The following CDH4 variants were observed in gnomAD, a reference collection of about 807,000 sequenced individuals.
CDH4 encodes the protein cadherin 4, also known as cadherin-4.
CDH4 carries 33 observed loss-of-function variants against 86.0 expected under a neutral mutation model. The observed-to-expected ratio is 0.38, with a 90% confidence interval of 0.29 to 0.51. The LOEUF (loss-of-function observed/expected upper bound fraction) is 0.51. Among genes scored for constraint, CDH4 ranks in the 20% least tolerant of loss-of-function variants. CDH4 has a pLI of 0.86. For missense variants in CDH4, 1,114 were observed against 1,307.4 expected (o/e 0.85, Z 2.28); for synonymous variants, 555 against 549.4 (o/e 1.01, Z -0.14).
chr20:61,855,662 A>G (rs1399581094), intron 6 of CDH4, among the ~76,000 whole-genome samples: 1 of 152,230 alleles, frequency 6.6e-6, no homozygotes, highest in Non-Finnish European at 1.5e-5. Context: ...CAAAAGCGCA[A>G]TTGGCTTTGC....
At chr20:61,929,922 G>T in intron 13 of CDH4, 80 bp downstream of exon 13, 1 of 1,189,268 alleles carries the variant, frequency 8.4e-7, no homozygotes, top group Admixed American at 1.8e-5. Flanking sequence ...GGCAGAGGGG[G>T]GCCTGGATTT....
intron 15 of CDH4, among the ~76,000 whole-genome samples, chr20:61,934,880 C>T (rs2055161472): frequency 6.6e-6 from 1 of 152,270 alleles, no homozygotes; most frequent in East Asian, 1.9e-4. Flanking sequence ...ACACCCCAGC[C>T]TTCCATCTTC....
chr20:61,571,098 C>G (rs1034100645), intron 2 of CDH4, among the ~76,000 whole-genome samples: 9 of 152,156 alleles, frequency 5.9e-5, no homozygotes, highest in Admixed American at 5.9e-4. Flanking sequence ...GGGTTTCTCC[C>G]CCACATCCTC....
chr20:61,805,017 A>C (rs1381673904), intron 4 of CDH4, among the ~76,000 whole-genome samples: 1 of 152,204 alleles, frequency 6.6e-6, no homozygotes. Context: ...TCTCCACAGA[A>C]GCCCCAGCGC....
chr20:61,913,845 C>T (rs759295465), intron 9 of CDH4, among the ~76,000 whole-genome samples: 1 of 152,196 alleles, frequency 6.6e-6, no homozygotes, highest in African/African-American at 2.4e-5. Flanking sequence ...CACAGCCGGG[C>T]ACATTCACTG....
intron 3 of CDH4, among the ~76,000 whole-genome samples, chr20:61,772,177 T>G (rs982837848): frequency 1.3e-5 from 2 of 152,068 alleles, no homozygotes; most frequent in African/African-American, 2.4e-5. Flanking sequence ...AACCCAGGAT[T>G]GTGAGAGATG....
intron 2 of CDH4, among the ~76,000 whole-genome samples, chr20:61,522,186 C>T (rs1233316455): frequency 2.0e-5 from 3 of 152,294 alleles, no homozygotes; most frequent in Non-Finnish European, 4.4e-5. Context: ...CTCTGAGGTC[C>T]TCAGGGGCCT....
chr20:61,599,020 G>A (rs2086577748), intron 2 of CDH4, among the ~76,000 whole-genome samples: 1 of 152,196 alleles, frequency 6.6e-6, no homozygotes, highest in Non-Finnish European at 1.5e-5. Context: ...TGTCAGTGTT[G>A]CCTCTCCCTT....
intron 7 of CDH4, among the ~76,000 whole-genome samples, chr20:61,885,495 G>A (rs367972087): frequency 2.6e-5 from 4 of 152,246 alleles, no homozygotes; most frequent in East Asian, 1.9e-4. Context: ...ATAATATTCC[G>A]CTGCATGGGG....
At chr20:61,852,166 C>T (rs1037968318) in intron 5 of CDH4, among the ~76,000 whole-genome samples, 2 of 152,140 alleles carry the variant, frequency 1.3e-5, no homozygotes, top group African/African-American at 4.8e-5. Context: ...CCTGCTGTGC[C>T]CAAGAGCTGA....
intron 2 of CDH4, among the ~76,000 whole-genome samples, chr20:61,525,617 A>G (rs1195023895): frequency 6.6e-6 from 1 of 152,196 alleles, no homozygotes; most frequent in African/African-American, 2.4e-5. Flanking sequence ...TTGATCAGGT[A>G]GCTGCCGTGT....
chr20:61,742,534 G>A (rs546671847), intron 2 of CDH4, among the ~76,000 whole-genome samples: 1 of 151,174 alleles, frequency 6.6e-6, no homozygotes, highest in East Asian at 2.0e-4. Flanking sequence ...AATCATGTAA[G>A]CTGTGACAGC....
intron 4 of CDH4, among the ~76,000 whole-genome samples, chr20:61,803,948 A>G (rs1024591025): frequency 6.6e-6 from 1 of 152,202 alleles, no homozygotes; most frequent in South Asian, 2.1e-4. Context: ...GAGACGGCGG[A>G]GGTAATGGAA....
intron 1 of CDH4, among the ~76,000 whole-genome samples, chr20:61,254,009 C>T (rs1418863377): frequency 1.3e-5 from 2 of 152,220 alleles, no homozygotes; most frequent in Non-Finnish European, 2.9e-5. Flanking sequence ...TGTCACGCCC[C>T]CTCCCAGAAG....
At chr20:61,881,920 C>A (rs1226478265) in intron 7 of CDH4, among the ~76,000 whole-genome samples, 1 of 152,208 alleles carries the variant, frequency 6.6e-6, no homozygotes, top group Non-Finnish European at 1.5e-5. Context: ...GACCCTAAAT[C>A]CTTACAGAGG....
At chr20:61,918,282 T>C (rs942495363) in intron 9 of CDH4, among the ~76,000 whole-genome samples, 1 of 152,218 alleles carries the variant, frequency 6.6e-6, no homozygotes, top group Non-Finnish European at 1.5e-5. Flanking sequence ...CCCTTCAGGC[T>C]TGCAGTCAGC....
intron 2 of CDH4, among the ~76,000 whole-genome samples, chr20:61,739,480 A>T (rs2088307065): frequency 6.6e-6 from 1 of 152,198 alleles, no homozygotes; most frequent in South Asian, 2.1e-4. Flanking sequence ...AATGAAACAA[A>T]AACAGGTGAT....
At chr20:61,652,102 G>T (rs1210805744) in intron 2 of CDH4, among the ~76,000 whole-genome samples, 1 of 152,206 alleles carries the variant, frequency 6.6e-6, no homozygotes, top group Non-Finnish European at 1.5e-5. Context: ...TGAGCCAGGT[G>T]CCGTGGGGTC....
intron 9 of CDH4, among the ~76,000 whole-genome samples, chr20:61,915,397 C>T (rs2054893424): frequency 6.6e-6 from 1 of 152,194 alleles, no homozygotes; most frequent in Admixed American, 6.5e-5. Context: ...TGAAACCTTC[C>T]TAGTGCCATG....
Sources: allele counts gnomAD v4.1 joint callset (sites outside exome capture counted in the v4.1 genomes callset), GRCh38; gene constraint gnomAD v4.1.1; transcripts MANE v1.5; gene names NCBI Gene and HGNC (gene_info 2026-07-23, HGNC 2026-07-21).